The following CPLX1 variants were observed in gnomAD, a reference collection of about 807,000 sequenced individuals.
CPLX1 encodes the protein complexin-1.
Under a neutral mutation model 15.6 loss-of-function variants are expected in CPLX1, and 6 were observed. The ratio of observed to expected loss-of-function variants is 0.39; its 90% CI spans 0.21 to 0.76. The LOEUF is 0.76. Among genes scored for constraint, CPLX1 ranks in the 30% least tolerant of loss-of-function variants. CPLX1 has a pLI of 0.43. For synonymous variants in CPLX1, 91 were observed against 75.2 expected (o/e 1.21, Z -1.08); for missense variants, 242 against 188.6 (o/e 1.28, Z -1.66).
At chr4:815,904 A>T (rs976875253) in intron 2 of CPLX1, among the ~76,000 whole-genome samples, 3 of 152,188 alleles carry the variant, frequency 2.0e-5, no homozygotes, top group Non-Finnish European at 4.4e-5. Flanking sequence ...TCCATATCTC[A>T]TCATCAAAAA....
chr4:792,650 T>A, intron 2 of CPLX1, 42 bp from the exon 3 acceptor site: 1 of 1,574,294 alleles, frequency 6.4e-7, no homozygotes. Flanking sequence ...CATTCAGATG[T>A]CCAGGGCCGG....
At chr4:790,379 G>C (rs528763115) in intron 3 of CPLX1, among the ~76,000 whole-genome samples, 1 of 152,158 alleles carries the variant, frequency 6.6e-6, no homozygotes, top group Non-Finnish European at 1.5e-5. Flanking sequence ...AGGCCTGACC[G>C]GCGAGCCCTG....
intron 2 of CPLX1, among the ~76,000 whole-genome samples, chr4:818,676 C>T (rs1190318247): frequency 6.6e-6 from 1 of 152,284 alleles, no homozygotes; most frequent in South Asian, 2.1e-4. Context: ...AGGATTACAA[C>T]TGTCCTGGAA....
At chr4:813,720 G>C (rs889079442) in intron 2 of CPLX1, among the ~76,000 whole-genome samples, 3 of 152,118 alleles carry the variant, frequency 2.0e-5, no homozygotes, top group African/African-American at 7.2e-5. Flanking sequence ...CCTGCTCATA[G>C]ATCCACCATC....
chr4:818,928 G>C (rs541805269), intron 2 of CPLX1, among the ~76,000 whole-genome samples: 39 of 152,364 alleles, frequency 2.6e-4, no homozygotes, highest in African/African-American at 7.7e-4. Context: ...TAGTGGAAGG[G>C]CTGCCAGGCA....
intron 2 of CPLX1, among the ~76,000 whole-genome samples, 181 bp downstream of exon 2, chr4:824,311 C>G (rs1419141784): frequency 6.6e-6 from 1 of 152,226 alleles, no homozygotes; most frequent in Non-Finnish European, 1.5e-5. Context: ...TCGAAAAGGG[C>G]CGGGCTGGGG....
At chr4:792,129 C>A (rs1488412917) in intron 3 of CPLX1, among the ~76,000 whole-genome samples, 3 of 151,932 alleles carry the variant, frequency 2.0e-5, no homozygotes, top group Non-Finnish European at 4.4e-5. Flanking sequence ...GCCCCACGAC[C>A]CCTCGGCCCA....
chr4:815,841 G>A (rs911308569), intron 2 of CPLX1, among the ~76,000 whole-genome samples: 1 of 152,212 alleles, frequency 6.6e-6, no homozygotes, highest in Non-Finnish European at 1.5e-5. Context: ...GGAAGTTGCA[G>A]ACATTTACAC....
intron 2 of CPLX1, among the ~76,000 whole-genome samples, chr4:808,245 TAAATAAATAAATAA>T (rs1014488770): frequency 1.5e-4 from 22 of 149,162 alleles, no homozygotes; most frequent in African/African-American, 5.3e-4. Flanking sequence ...AATACATAAA[TAAATAAATAAATAA>T]AAATAAATAA....
At chr4:794,526 T>C (rs1303138465) in intron 2 of CPLX1, among the ~76,000 whole-genome samples, 1 of 152,222 alleles carries the variant, frequency 6.6e-6, no homozygotes, top group Non-Finnish European at 1.5e-5. Flanking sequence ...GTAGAGTTGC[T>C]CCTGGATTCT....
At chr4:816,042 AATGT>A (rs1190061451) in intron 2 of CPLX1, among the ~76,000 whole-genome samples, 39 of 152,226 alleles carry the variant, frequency 2.6e-4, no homozygotes, top group African/African-American at 7.7e-4. Context: ...TATTTGTTAC[AATGT>A]TTATGTTGAG....
chr4:805,560 A>G (rs1464314495), intron 2 of CPLX1, among the ~76,000 whole-genome samples: 1 of 152,240 alleles, frequency 6.6e-6, no homozygotes, highest in Admixed American at 6.5e-5. Context: ...TCAAAAAATT[A>G]AACATAGAAT....
At chr4:800,141 C>T (rs10004503) in intron 2 of CPLX1, among the ~76,000 whole-genome samples, 8,837 of 152,108 alleles carry the variant, frequency 0.058, 385 homozygotes, top group South Asian at 0.16. Flanking sequence ...TGTCCACTGC[C>T]GGACTGACTG....
intron 3 of CPLX1, among the ~76,000 whole-genome samples, chr4:792,029 C>T (rs1395670898): frequency 2.0e-5 from 3 of 152,184 alleles, no homozygotes; most frequent in Non-Finnish European, 4.4e-5. Context: ...CACTCTGGGC[C>T]GCCTCGTGAA....
intron 2 of CPLX1, among the ~76,000 whole-genome samples, chr4:810,374 G>A (rs1320225402): frequency 6.6e-6 from 1 of 152,090 alleles, no homozygotes; most frequent in Non-Finnish European, 1.5e-5. Context: ...CATTTCTCTT[G>A]GGTCAACGTC....
chr4:796,732 C>T (rs186097153), intron 2 of CPLX1, among the ~76,000 whole-genome samples: 34 of 152,356 alleles, frequency 2.2e-4, no homozygotes, highest in Admixed American at 9.8e-4. Flanking sequence ...CACGTAAAGA[C>T]GTCCATCCTC....
At chr4:815,854 C>G (rs942804289) in intron 2 of CPLX1, among the ~76,000 whole-genome samples, 6 of 152,164 alleles carry the variant, frequency 3.9e-5, no homozygotes, top group African/African-American at 1.4e-4. Context: ...ATTTACACAC[C>G]ACTTCCAACT....
rs1330296794 is a variant in CPLX1 at position 785,322 on chromosome 4, T to C, written c.*1179A>G. On this transcript the variant is annotated 3_prime_UTR_variant, in exon 4 of 4. Coordinates refer to ENST00000304062, the MANE Select transcript of CPLX1 (RefSeq NM_006651.4). Reference sequence around the variant, plus strand: ...CCCGGAGGGGCGTCGGTCGTTAGTATTGCAGTCTAACGTTATGGCTTCTCT... The same window carrying C: ...CCCGGAGGGGCGTCGGTCGTTAGTACTGCAGTCTAACGTTATGGCTTCTCT... The C allele has an allele frequency of 1.3e-5, 2 of 152,486 alleles. No homozygotes were observed. The highest frequency in any genetic ancestry group is 1.5e-5 in the Non-Finnish European group (1 of 68,046). The allele number at this position is 152,486 out of a possible 1,614,324, so 9.4% of individuals were successfully genotyped here.
intron 3 of CPLX1, chr4:787,767 C>T (rs1746045524): frequency 5.1e-6 from 5 of 985,256 alleles, no homozygotes; most frequent in Non-Finnish European, 4.8e-6. Flanking sequence ...CGCCTCCCCA[C>T]GCCACACTCC....
Sources: allele counts gnomAD v4.1 joint callset (sites outside exome capture counted in the v4.1 genomes callset), GRCh38; gene constraint gnomAD v4.1.1; transcripts MANE v1.5; gene names NCBI Gene and HGNC (gene_info 2026-07-23, HGNC 2026-07-21).